Variants in ZNF541 observed in about 807,000 individuals in gnomAD.
ZNF541 encodes zinc finger protein 541.
In ZNF541, 23 loss-of-function variants were observed where a neutral mutation model predicts 123.5. The observed-to-expected ratio is 0.19, with a 90% confidence interval of 0.13 to 0.26. ZNF541 has a LOEUF of 0.26. Among genes scored for constraint, ZNF541 ranks in the 10% least tolerant of loss-of-function variants. ZNF541 has a pLI of 1.00. For synonymous variants in ZNF541, 751 were observed against 754.5 expected, an observed-to-expected ratio of 1.00 and a Z score of 0.08; for missense variants, 1,612 against 1,789.9, an observed-to-expected ratio of 0.90 and a Z score of 1.79.
intron 2 of ZNF541, among the ~76,000 whole-genome samples, chr19:47,557,155 A>T (rs369980479): frequency 4.6e-5 from 7 of 152,294 alleles, no homozygotes; most frequent in East Asian, 1.9e-4. Flanking sequence ...TAGGAAATTT[A>T]GATTATATAT....
rs553156703 is a variant in ZNF541 at position 47,559,070 on chromosome 19, A to G, written c.-98-3116T>C. ...AGAAACAGAATTTCTGAATAGACCT[A>G]TGAGAAATAAAAAGACTGGGCCAGG... On this transcript the variant is annotated intron_variant, in intron 2 of 16. Coordinates refer to ENST00000391901, the MANE Select transcript of ZNF541 (RefSeq NM_001277075.3). 2.0e-5 allele frequency among the ~76,000 whole-genome samples: 3 copies of G among 150,988 alleles called. No homozygotes were observed. In the South Asian group the frequency reaches 6.4e-4, roughly 32 times the overall value.
intron 13 of ZNF541, 147 bp downstream of exon 13, chr19:47,529,430 T>C: frequency 4.0e-6 from 3 of 752,884 alleles, no homozygotes; most frequent in South Asian, 3.7e-5. Context: ...GCCCACTGAG[T>C]CATCCCGACA....
chr19:47,529,649 C>T lies in ZNF541; in HGVS notation c.3409G>A (p.Ala1137Thr), dbSNP rs796434627. 8.4e-6 allele frequency: 13 copies of T among 1,551,480 alleles called. No homozygotes were observed. The highest frequency in any genetic ancestry group is 5.9e-5 in the Admixed American group (3 of 50,988). The change falls in exon 13 of 17, where the codon GCC (alanine) becomes ACC (threonine). Residue 1137 changes from alanine to threonine, a missense_variant. By Grantham distance (58) the Ala-to-Thr change is moderately conservative. Transcript: ENST00000391901. ...LHEAQGNVQV[A>T]LETLLLRGPH... ...CCTCGGAGCAGAAGAGTCTCCAGGG[C>T]GACCTGGAACAAGAGGAGCGACAGG...
intron 2 of ZNF541, among the ~76,000 whole-genome samples, chr19:47,559,108 C>T (rs188855025): frequency 4.0e-5 from 6 of 151,862 alleles, no homozygotes; most frequent in Admixed American, 2.6e-4. Flanking sequence ...CAGTGGCTCA[C>T]GCCTGTAATC....
chr19:47,564,238 T>C lies in ZNF541; in HGVS notation c.-99+7658A>G, dbSNP rs181906384. Among the ~76,000 whole-genome samples, 25 of 152,226 alleles carry C rather than the reference T, an allele frequency of 1.6e-4. 1 individual carries two copies. The highest frequency in any genetic ancestry group is 1.6e-3 in the Admixed American group (25 of 15,276). The stretch of plus-strand genomic sequence containing the variant: ...CTCCCCAAGGCCAAATCACCTGCTT[T>C]CCAATATACTCCCATAGTCCACAGA... On this transcript the variant is annotated intron_variant, in intron 2 of 16. Coordinates refer to ENST00000391901, the MANE Select transcript of ZNF541 (RefSeq NM_001277075.3).
In ZNF541 at chr19:47,544,633, G is replaced by C; in HGVS notation, c.1896C>G (p.Pro632=). The C allele has an allele frequency of 6.5e-7, 1 of 1,549,470 alleles. No individual in the cohort carries two copies. The highest frequency in any genetic ancestry group is 8.7e-7 in the Non-Finnish European group (1 of 1,146,496). The change falls in exon 5 of 17, where the codon CCC becomes CCG. Residue 632 remains proline (P), a synonymous_variant. Coordinates refer to ENST00000391901, the MANE Select transcript of ZNF541 (RefSeq NM_001277075.3). ...GSPARRRKTT[P]GVPREASPGS... The stretch of plus-strand genomic sequence containing the variant: ...CGGGGGAGGCCTCTCTGGGAACCCC[G>C]GGTGTGGTTTTTCTCCTGCGGGCTG...
intron 11 of ZNF541, 144 bp downstream of exon 11, chr19:47,531,984 C>A: frequency 8.5e-7 from 1 of 1,179,282 alleles, no homozygotes; most frequent in Non-Finnish European, 1.2e-6. Context: ...AGAAGCAACG[C>A]TGGCCAAGAG....
At chr19:47,556,483 A>T (rs1222723563) in intron 2 of ZNF541, among the ~76,000 whole-genome samples, 40 of 151,928 alleles carry the variant, frequency 2.6e-4, no homozygotes, top group Admixed American at 2.6e-3. Flanking sequence ...AAAATGGATA[A>T]TTTTTTTTAA....
rs1599724776 is a variant in ZNF541 at position 47,555,949 on chromosome 19, T to A, written c.-93A>T. ...GGAGGAGAGAGCCCTTGATGGCAAC[T>A]AATTCCTGAAAATGAAGCAAGAAGA... On this transcript the variant is annotated 5_prime_UTR_variant, in exon 3 of 17. Transcript: ENST00000391901. 3.2e-6 allele frequency: 4 copies of A among 1,250,678 alleles called. No homozygotes were observed. In the East Asian group the frequency reaches 1.0e-4, roughly 32 times the overall value. The allele number at this position is 1,250,678 out of a possible 1,614,324, so 77.5% of individuals were successfully genotyped here.
chr19:47,541,908 T>C (rs1380204773), intron 5 of ZNF541, among the ~76,000 whole-genome samples: 1 of 152,106 alleles, frequency 6.6e-6, no homozygotes, highest in Non-Finnish European at 1.5e-5. Flanking sequence ...TAAATCCCCA[T>C]AAAAATTTGT....
intron 2 of ZNF541, among the ~76,000 whole-genome samples, chr19:47,558,872 G>A (rs1970944255): frequency 1.3e-5 from 2 of 151,692 alleles, no homozygotes; most frequent in African/African-American, 4.8e-5. Flanking sequence ...AGCCTCCCGA[G>A]TAGCTGGGAC....
At chr19:47,527,768 T>C (rs960758462) in intron 14 of ZNF541, among the ~76,000 whole-genome samples, 6 of 151,744 alleles carry the variant, frequency 4.0e-5, no homozygotes, top group Admixed American at 1.3e-4. Flanking sequence ...GGCGAGATCT[T>C]GGCTCACCGC....
chr19:47,522,058 A>T lies in ZNF541; in HGVS notation c.3571-64T>A, dbSNP rs1969061485. ...CGGGCCCTGGGAGTGTGACCTTGCC[A>T]TTGGGCCGGCCGCCTCCTTTGGAAA... On this transcript the variant is annotated intron_variant, in intron 14 of 16. Transcript: ENST00000391901. 6 of 1,538,198 alleles carry T rather than the reference A, an allele frequency of 3.9e-6. No homozygotes were observed. The South Asian group carries it at 7.2e-5, about 18-fold the overall frequency.
In ZNF541 at chr19:47,538,968, C is replaced by G. The variant is rs550745429; in HGVS notation, c.2797-529G>C. 9.2e-5 allele frequency among the ~76,000 whole-genome samples: 14 copies of G among 152,332 alleles called. No homozygotes were observed. The South Asian group carries it at 2.5e-3, about 27-fold the overall frequency. Reference sequence around the variant, plus strand: ...CCACAAAATCTCCTCTCCGCTCTGCCAGCCCTACTCCTCCTCATCCTCTAG... The same window carrying G: ...CCACAAAATCTCCTCTCCGCTCTGCGAGCCCTACTCCTCCTCATCCTCTAG... On this transcript the variant is annotated intron_variant, in intron 8 of 16. Transcript: ENST00000391901.
At chr19:47,558,766 A>T (rs1970938517) in intron 2 of ZNF541, among the ~76,000 whole-genome samples, 1 of 145,592 alleles carries the variant, frequency 6.9e-6, no homozygotes, top group African/African-American at 2.5e-5. Context: ...TTTTTTCCTG[A>T]GACAGTTTCA....
chr19:47,527,377 T>C (rs1428245388), intron 14 of ZNF541, among the ~76,000 whole-genome samples: 1 of 152,178 alleles, frequency 6.6e-6, no homozygotes, highest in Non-Finnish European at 1.5e-5. Context: ...CAGGACATTA[T>C]ATGCAGTGAG....
At chr19:47,546,272 C>A (rs1970354620) in intron 4 of ZNF541, among the ~76,000 whole-genome samples, 1 of 150,930 alleles carries the variant, frequency 6.6e-6, no homozygotes, top group Non-Finnish European at 1.5e-5. Context: ...CTTTGGGAGG[C>A]CGAGGTGAGT....
intron 6 of ZNF541, 31 bp from the exon 7 acceptor site, chr19:47,540,366 A>C: frequency 6.5e-7 from 1 of 1,529,660 alleles, no homozygotes; most frequent in Non-Finnish European, 8.8e-7. Flanking sequence ...GAAGAGTGGG[A>C]GATTAGGACT....
intron 2 of ZNF541, among the ~76,000 whole-genome samples, 21 bp downstream of exon 2, chr19:47,571,875 G>A (rs1971489707): frequency 6.6e-6 from 1 of 152,220 alleles, no homozygotes; most frequent in African/African-American, 2.4e-5. Context: ...CTTTGGCTCA[G>A]TGCAAAGGAA....
Sources: allele counts gnomAD v4.1 joint callset (sites outside exome capture counted in the v4.1 genomes callset), GRCh38; gene constraint gnomAD v4.1.1; transcripts MANE v1.5; gene names NCBI Gene and HGNC (gene_info 2026-07-23, HGNC 2026-07-21).